Variants in TMEM217 observed in about 807,000 individuals in gnomAD.
The protein encoded by TMEM217 is chromosome 6 open reading frame 128.
For missense variants in TMEM217, 204 were observed against 248.8 expected (o/e 0.82, Z 1.21); for synonymous variants, 76 against 88.3 (o/e 0.86, Z 0.78).
intron 1 of TMEM217, among the ~76,000 whole-genome samples, chr6:37,224,564 C>T (rs1763706529): frequency 6.6e-6 from 1 of 151,842 alleles, no homozygotes; most frequent in African/African-American, 2.4e-5. Context: ...CACCACTGCA[C>T]TCCAGGCTGG....
chr6:37,212,206 A>G (rs775353937), exon 4 of TMEM217: 11 of 323,330 alleles, frequency 3.4e-5, no homozygotes, highest in South Asian at 1.5e-4. Context: ...ACAAGGCCAC[A>G]TATCATTAAC....
At chr6:37,252,726 G>A (rs1455701087) in intron 1 of TMEM217, among the ~76,000 whole-genome samples, 1 of 140,258 alleles carries the variant, frequency 7.1e-6, no homozygotes, top group Non-Finnish European at 1.5e-5. Context: ...TGCAACCCCC[G>A]CCTCCTGGGC....
intron 1 of TMEM217, among the ~76,000 whole-genome samples, chr6:37,230,776 A>C (rs1310956751): frequency 6.6e-6 from 1 of 152,184 alleles, no homozygotes; most frequent in African/African-American, 2.4e-5. Flanking sequence ...AATTCTGCTT[A>C]ACACAGTTAA....
intron 1 of TMEM217, among the ~76,000 whole-genome samples, chr6:37,243,529 G>T (rs1176624367): frequency 2.0e-5 from 3 of 152,118 alleles, no homozygotes; most frequent in Admixed American, 6.5e-5. Context: ...ATATGAGGCT[G>T]GCCATATCAT....
intron 1 of TMEM217, among the ~76,000 whole-genome samples, chr6:37,250,049 T>TG (rs1765314259): frequency 6.6e-6 from 1 of 152,220 alleles, no homozygotes. Flanking sequence ...TATTATAAAA[T>TG]GGACTATTAC....
At chr6:37,214,926 C>T (rs1407708339), downstream of TMEM217, among the ~76,000 whole-genome samples, 1 of 152,188 alleles carries the variant, frequency 6.6e-6, no homozygotes, top group Admixed American at 6.5e-5. Flanking sequence ...GTTCACAGCG[C>T]AGCTTCCAGA....
chr6:37,258,031 T>G, exon 1 of TMEM217: 1 of 1,576,000 alleles, frequency 6.3e-7, no homozygotes, highest in Non-Finnish European at 8.6e-7. Flanking sequence ...CAGATCCTAA[T>G]CCCTGAATCC....
intron 1 of TMEM217, among the ~76,000 whole-genome samples, chr6:37,239,653 C>T (rs899904826): frequency 2.0e-5 from 3 of 151,954 alleles, no homozygotes; most frequent in African/African-American, 7.2e-5. Context: ...TTTTTATTTT[C>T]AATTGCTCTC....
intron 1 of TMEM217, among the ~76,000 whole-genome samples, chr6:37,234,688 A>G (rs950452325): frequency 2.5e-4 from 38 of 152,244 alleles, no homozygotes; most frequent in African/African-American, 8.7e-4. Context: ...CTGAGCCGAG[A>G]TGGTGCCACT....
At chr6:37,212,646 G>A (rs1018740030), downstream of TMEM217, 17 of 546,848 alleles carry the variant, frequency 3.1e-5, no homozygotes, top group African/African-American at 2.4e-4. Context: ...TGATGATCCC[G>A]TTGAGGAGCA....
At chr6:37,225,555 C>T (rs1230272339) in intron 1 of TMEM217, among the ~76,000 whole-genome samples, 1 of 152,150 alleles carries the variant, frequency 6.6e-6, no homozygotes, top group Non-Finnish European at 1.5e-5. Context: ...CATACTGTGG[C>T]GTAATTGGCC....
chr6:37,241,654 C>G (rs1035004199), intron 1 of TMEM217, among the ~76,000 whole-genome samples: 1 of 152,118 alleles, frequency 6.6e-6, no homozygotes, highest in Non-Finnish European at 1.5e-5. Context: ...CAGAGGGATC[C>G]CCAGTGATAA....
At chr6:37,213,213 G>A (rs1763003267), downstream of TMEM217, among the ~76,000 whole-genome samples, 1 of 152,222 alleles carries the variant, frequency 6.6e-6, no homozygotes, top group Non-Finnish European at 1.5e-5. Flanking sequence ...TCACTGGCCT[G>A]GGACTTCCTA....
In TMEM217 at chr6:37,233,780, T is replaced by TACTA. The variant is rs1220850738; in HGVS notation, c.-11-14743_-11-14740dup. On this transcript the variant is annotated intron_variant, in intron 1 of 1. Coordinates refer to ENST00000357219, the Ensembl canonical transcript of TMEM217. ...TACTTAAGTCGCTAACTAACGAAGT[T>TACTA]ACTAACTAACTAACTAACTAAGTCC... 7.2e-5 allele frequency among the ~76,000 whole-genome samples: 11 copies of TACTA among 152,148 alleles called. 1 individual carries two copies. Among genetic ancestry groups the TACTA allele is most frequent in the Non-Finnish European group, 4.4e-5 (3 of 68,020 alleles).
chr6:37,238,097 G>T (rs903592794), intron 1 of TMEM217, among the ~76,000 whole-genome samples: 1 of 151,596 alleles, frequency 6.6e-6, no homozygotes, highest in African/African-American at 2.4e-5. Flanking sequence ...ATGGACCAAT[G>T]AGGGTATGTC....
At chr6:37,240,612 G>T (rs1195176910) in intron 1 of TMEM217, among the ~76,000 whole-genome samples, 1 of 152,164 alleles carries the variant, frequency 6.6e-6, no homozygotes, top group South Asian at 2.1e-4. Context: ...GGGGACTATG[G>T]GGAGAGGACA....
intron 1 of TMEM217, among the ~76,000 whole-genome samples, chr6:37,220,538 AGCT>A (rs1466280394): frequency 6.9e-6 from 1 of 145,956 alleles, no homozygotes; most frequent in Non-Finnish European, 1.5e-5. Flanking sequence ...TTGTAATCAT[AGCT>A]GGCCTTTTTT....
At chr6:37,249,322 T>G (rs965779032) in intron 1 of TMEM217, among the ~76,000 whole-genome samples, 9 of 152,122 alleles carry the variant, frequency 5.9e-5, no homozygotes, top group African/African-American at 2.2e-4. Context: ...TTCTTCTTCT[T>G]CTTTTTTTGA....
downstream of TMEM217, among the ~76,000 whole-genome samples, chr6:37,216,153 A>G (rs1763193983): frequency 6.6e-6 from 1 of 152,056 alleles, no homozygotes; most frequent in Non-Finnish European, 1.5e-5. Flanking sequence ...ATTATGGCTC[A>G]CTGCAACCTC....
Sources: allele counts gnomAD v4.1 joint callset (sites outside exome capture counted in the v4.1 genomes callset), GRCh38; gene constraint gnomAD v4.1.1; transcripts MANE v1.5; gene names NCBI Gene and HGNC (gene_info 2026-07-23, HGNC 2026-07-21).